Variants in SFI1 observed in about 807,000 individuals in gnomAD.
SFI1 encodes the protein SFI1 centrin binding protein, also known as protein SFI1 homolog.
In SFI1, 195 loss-of-function variants were observed where a neutral mutation model predicts 207.5. The observed-to-expected ratio is 0.94, with a 90% CI of 0.84 to 1.06. The LOEUF (loss-of-function observed/expected upper bound fraction) is 1.06. Among genes scored for constraint, SFI1 ranks in the 50% least tolerant of loss-of-function variants. SFI1 has a pLI of 0.00. For missense variants in SFI1, 1,634 were observed against 1,588.0 expected, an observed-to-expected ratio of 1.03 and a Z score of -0.49; for synonymous variants, 630 against 598.9, an observed-to-expected ratio of 1.05 and a Z score of -0.76.
At chr22:31,508,413 A>T in intron 2 of SFI1, 37 bp downstream of exon 2, 1 of 1,374,150 alleles carries the variant, frequency 7.3e-7, no homozygotes, top group South Asian at 1.2e-5. Context: ...TATAACTGGA[A>T]TGATGGTTCA....
chr22:31,575,101 T>C (rs772834227), intron 9 of SFI1, 130 bp from the exon 10 acceptor site: 6 of 323,560 alleles, frequency 1.9e-5, no homozygotes, highest in African/African-American at 4.4e-5. Context: ...TGTGTGTGTG[T>C]GTGTGTGTGT....
intron 1 of SFI1, chr22:31,497,338 C>T (rs537402316): frequency 1.3e-5 from 2 of 152,332 alleles, no homozygotes; most frequent in African/African-American, 4.8e-5. Context: ...CTTCCTGTCA[C>T]TTACACTTTG....
chr22:31,609,015 T>C (rs2069578717), intron 22 of SFI1, among the ~76,000 whole-genome samples: 1 of 151,802 alleles, frequency 6.6e-6, no homozygotes, highest in Non-Finnish European at 1.5e-5. Flanking sequence ...CTCTCTTTTT[T>C]GAGACAGAGT....
Position 31,613,530 on chromosome 22 carries a change from G to T in SFI1, c.2742G>T (p.Gln914His). The T allele has an allele frequency of 1.3e-6, 2 of 1,588,108 alleles. No individual in the cohort carries two copies. Among genetic ancestry groups the T allele is most frequent in the Non-Finnish European group, 1.7e-6 (2 of 1,170,536 alleles). ...AGCTGCAGGCCCAGCAGCAGGTCCA[G>T]GTAGGCCCAGGGCCCCTTCCTGTGG... The part of the protein sequence containing the change: ...RQQLQAQQQV[Q>H]AAHSLHRAVR... The change falls in exon 26 of 33, where the codon CAG becomes CAT. Residue 914 changes from glutamine (Q) to histidine (H), a missense_variant and splice_region_variant. By Grantham distance (24) the Gln-to-His change is conservative. Transcript: ENST00000400288.
intron 4 of SFI1, chr22:31,538,427 C>G (rs5753682): frequency 0.92 from 140,902 of 152,698 alleles, 65,081 homozygotes; most frequent in East Asian, 0.99. Context: ...GTCCTAGCAG[C>G]CTTCATGAGA....
intron 11 of SFI1, 185 bp from the exon 12 acceptor site, chr22:31,580,087 G>A: frequency 3.6e-6 from 2 of 559,412 alleles, no homozygotes; most frequent in Non-Finnish European, 6.4e-6. Context: ...GTGCAGGCTG[G>A]CTTGTGTTAG....
intron 8 of SFI1, among the ~76,000 whole-genome samples, chr22:31,568,155 C>CTA (rs138581578): frequency 3.3e-4 from 45 of 137,892 alleles, no homozygotes; most frequent in African/African-American, 5.3e-4. Flanking sequence ...CTCTCTCTCT[C>CTA]TATATATATA....
intron 6 of SFI1, among the ~76,000 whole-genome samples, chr22:31,552,829 C>T (rs2060746262): frequency 6.6e-6 from 1 of 151,808 alleles, no homozygotes; most frequent in Admixed American, 6.6e-5. Flanking sequence ...ACGTGCATGC[C>T]AACATCTGTT....
intron 14 of SFI1, among the ~76,000 whole-genome samples, chr22:31,586,302 TAG>T (rs926165150): frequency 2.6e-5 from 4 of 152,306 alleles, no homozygotes; most frequent in African/African-American, 9.6e-5. Context: ...ATTCATCTTA[TAG>T]TTGTTCACTG....
At position 31,582,232 on chromosome 22, in the gene SFI1, A is replaced by AT. The variant is rs2064375566; in HGVS notation, c.1249-1642dup. On this transcript the variant is annotated intron_variant, in intron 12 of 32. Coordinates refer to ENST00000400288, the MANE Select transcript of SFI1 (RefSeq NM_001007467.3). ...TATATATATATATATATATATATAT[A>AT]TATATTTTTTTTTTTTTTTTTTTTT... Among the ~76,000 whole-genome samples the AT allele has an allele frequency of 1.5e-3, 39 of 25,966 alleles. 1 individual carries two copies. The highest frequency in any genetic ancestry group is 1.7e-3 in the Non-Finnish European group (26 of 14,926). 17.0% of individuals were successfully genotyped at this position (25,966 alleles called of 152,430 possible).
At chr22:31,502,465 C>T (rs1377570860) in intron 1 of SFI1, among the ~76,000 whole-genome samples, 1 of 152,046 alleles carries the variant, frequency 6.6e-6, no homozygotes, top group South Asian at 2.1e-4. Context: ...CCTCCACCTC[C>T]TGGGTTCAAG....
intron 2 of SFI1, among the ~76,000 whole-genome samples, chr22:31,522,195 G>T (rs2057364078): frequency 1.3e-5 from 2 of 151,284 alleles, no homozygotes; most frequent in Admixed American, 6.6e-5. Flanking sequence ...AGCCTCCCAG[G>T]TAGCTGGGAT....
intron 11 of SFI1, among the ~76,000 whole-genome samples, chr22:31,579,562 G>A (rs537004769): frequency 2.0e-5 from 3 of 152,186 alleles, no homozygotes; most frequent in Admixed American, 1.3e-4. Context: ...TGATCCGCCC[G>A]CCTCGGCCTC....
In SFI1 at chr22:31,615,284, G is replaced by A. The variant is rs527590020; in HGVS notation, c.3300+5G>A. 1.3e-5 allele frequency: 19 copies of A among 1,482,756 alleles called. No homozygotes were observed. Among genetic ancestry groups the A allele is most frequent in the Non-Finnish European group, 1.5e-5 (17 of 1,123,538 alleles). The allele number at this position is 1,482,756 out of a possible 1,614,324, so 91.8% of individuals were successfully genotyped here. The stretch of plus-strand genomic sequence containing the variant: ...GGGGCGGCTGCACCAGCCAGGGTAC[G>A]TCCTCCACCACCAGGCCTGGGCACT... On this transcript the variant is annotated splice_donor_5th_base_variant and intron_variant, in intron 29 of 32. Coordinates refer to ENST00000400288, the MANE Select transcript of SFI1 (RefSeq NM_001007467.3).
chr22:31,530,171 C>CAAAAAAAAAA lies in SFI1; in HGVS notation c.267-864_267-855dup, dbSNP rs1162482504. On this transcript the variant is annotated intron_variant, in intron 3 of 32. Coordinates refer to ENST00000400288, the MANE Select transcript of SFI1 (RefSeq NM_001007467.3). Reference sequence around the variant, plus strand: ...TGGGCGACAGAGTGAGACTCCATCTCAAAAAAAAAAAAAAAAAAAAAAAAA... The same window carrying CAAAAAAAAAA: ...TGGGCGACAGAGTGAGACTCCATCTCAAAAAAAAAAAAAAAAAAAAAAAAAAAAAAAAAAA... Among the ~76,000 whole-genome samples, 20 of 12,106 alleles carry CAAAAAAAAAA rather than the reference C, an allele frequency of 1.7e-3. 6 individuals carry two copies. The highest frequency in any genetic ancestry group is 5.6e-3 in the African/African-American group (17 of 3,016). The allele number at this position is 12,106 out of a possible 152,430, so 7.9% of individuals were successfully genotyped here. A position where few individuals can be genotyped will look rare whatever the true frequency, so the allele number is the denominator to read the frequency against.
intron 7 of SFI1, among the ~76,000 whole-genome samples, chr22:31,560,961 C>T (rs2148270677): frequency 6.6e-6 from 1 of 152,242 alleles, no homozygotes; most frequent in East Asian, 1.9e-4. Flanking sequence ...CCTCGGCCTC[C>T]CAAAGTGCTG....
intron 15 of SFI1, among the ~76,000 whole-genome samples, chr22:31,594,897 G>C (rs2066864895): frequency 6.7e-6 from 1 of 149,768 alleles, no homozygotes; most frequent in Admixed American, 6.7e-5. Context: ...TCAAGGAGCA[G>C]ATCTACATCT....
intron 2 of SFI1, among the ~76,000 whole-genome samples, chr22:31,510,087 G>T (rs2055267202): frequency 6.6e-6 from 1 of 151,974 alleles, no homozygotes; most frequent in African/African-American, 2.4e-5. Context: ...ACCTCTGCCT[G>T]CCAAAGTGCT....
chr22:31,503,054 C>CAA (rs58386828), intron 1 of SFI1, among the ~76,000 whole-genome samples: 9,741 of 102,466 alleles, frequency 0.095, 877 homozygotes, highest in East Asian at 0.33. Context: ...GACTCTGTCT[C>CAA]AAAAAAAAAA....
Sources: allele counts gnomAD v4.1 joint callset (sites outside exome capture counted in the v4.1 genomes callset), GRCh38; gene constraint gnomAD v4.1.1; transcripts MANE v1.5; gene names NCBI Gene and HGNC (gene_info 2026-07-23, HGNC 2026-07-21).